Variants in KHDRBS2 observed in about 807,000 individuals in gnomAD.
KHDRBS2 encodes KH domain-containing, RNA-binding, signal transduction-associated protein 2.
In KHDRBS2, 26 loss-of-function variants were observed where a neutral mutation model predicts 44.3. The observed-to-expected ratio is 0.59, with a 90% confidence interval of 0.43 to 0.81. KHDRBS2 has a LOEUF of 0.81. Among genes scored for constraint, KHDRBS2 ranks in the 40% least tolerant of loss-of-function variants. KHDRBS2 has a pLI of 0.00. For synonymous variants in KHDRBS2, 194 were observed against 151.1 expected (o/e 1.28, Z -2.08); for missense variants, 476 against 433.1 (o/e 1.10, Z -0.88).
intron 1 of KHDRBS2, among the ~76,000 whole-genome samples, chr6:62,247,032 C>G (rs1383903337): frequency 6.6e-6 from 1 of 151,960 alleles, no homozygotes; most frequent in Non-Finnish European, 1.5e-5. Context: ...CATATTCACA[C>G]AAACTGTCTC....
chr6:61,956,942 C>CATCATCATCA, intron 4 of KHDRBS2, among the ~76,000 whole-genome samples: 1 of 151,890 alleles, frequency 6.6e-6, no homozygotes, highest in South Asian at 2.1e-4. Flanking sequence ...TCATCATCAT[C>CATCATCATCA]TGTTGTGGGA....
intron 1 of KHDRBS2, among the ~76,000 whole-genome samples, chr6:62,224,583 C>A (rs1216287853): frequency 2.6e-5 from 4 of 152,142 alleles, no homozygotes; most frequent in African/African-American, 9.7e-5. Flanking sequence ...CACCATCCTA[C>A]GGATTTCAAG....
At chr6:61,790,329 G>A (rs1784432738) in intron 6 of KHDRBS2, among the ~76,000 whole-genome samples, 1 of 150,758 alleles carries the variant, frequency 6.6e-6, no homozygotes, top group South Asian at 2.1e-4. Flanking sequence ...TTTGAAAGAT[G>A]CTTAAGTGAA....
the KHDRBS2 span, among the ~76,000 whole-genome samples, chr6:61,647,159 C>T: frequency 6.6e-6 from 1 of 152,074 alleles, no homozygotes; most frequent in Non-Finnish European, 1.5e-5. Context: ...TCTTTATCGT[C>T]TTTACAACCT....
chr6:62,181,977 T>A (rs552968289), intron 1 of KHDRBS2, among the ~76,000 whole-genome samples: 3 of 151,946 alleles, frequency 2.0e-5, no homozygotes, highest in African/African-American at 7.2e-5. Flanking sequence ...TTCAGAGCTA[T>A]GATAAATAAA....
chr6:62,072,871 C>T (rs749736601), intron 2 of KHDRBS2, among the ~76,000 whole-genome samples: 10 of 151,842 alleles, frequency 6.6e-5, no homozygotes, highest in African/African-American at 1.2e-4. Flanking sequence ...GAGTTAGGGA[C>T]GATTCCCTCT....
chr6:61,610,669 C>G, the KHDRBS2 span, among the ~76,000 whole-genome samples: 1 of 152,152 alleles, frequency 6.6e-6, no homozygotes, highest in Non-Finnish European at 1.5e-5. Flanking sequence ...CTAGAGCAAG[C>G]AATCCAAGAG....
the KHDRBS2 span, among the ~76,000 whole-genome samples, chr6:61,662,835 AGT>A: frequency 6.6e-6 from 1 of 151,738 alleles, no homozygotes; most frequent in Non-Finnish European, 1.5e-5. Context: ...TGTGGAAGTC[AGT>A]GTGGTGATTC....
intron 3 of KHDRBS2, among the ~76,000 whole-genome samples, chr6:62,029,421 TA>T (rs1276380768): frequency 6.6e-6 from 1 of 151,932 alleles, no homozygotes; most frequent in Admixed American, 6.6e-5. Flanking sequence ...AACTGTTTCA[TA>T]AAAAGTATCA....
chr6:61,908,127 A>G (rs1460646072), intron 4 of KHDRBS2, among the ~76,000 whole-genome samples: 1 of 152,134 alleles, frequency 6.6e-6, no homozygotes, highest in African/African-American at 2.4e-5. Flanking sequence ...CATAAATGGT[A>G]ATGAGATAAT....
At chr6:62,238,052 CA>C (rs398048582) in intron 1 of KHDRBS2, among the ~76,000 whole-genome samples, 47,232 of 116,702 alleles carry the variant, frequency 0.4, 7,681 homozygotes, top group Middle Eastern at 0.54. Context: ...GACTCTGTCT[CA>C]AAAAAAAAAA....
At chr6:62,183,913 C>T (rs1381297183) in intron 1 of KHDRBS2, among the ~76,000 whole-genome samples, 4 of 151,530 alleles carry the variant, frequency 2.6e-5, no homozygotes, top group Non-Finnish European at 4.4e-5. Context: ...ACTTAACTAC[C>T]TGGTAATTAA....
At chr6:61,707,686 C>T (rs1769816197) in intron 7 of KHDRBS2, among the ~76,000 whole-genome samples, 1 of 151,564 alleles carries the variant, frequency 6.6e-6, no homozygotes, top group Admixed American at 6.6e-5. Context: ...ACTATCAATA[C>T]TACAAGCTAG....
intron 2 of KHDRBS2, among the ~76,000 whole-genome samples, chr6:62,079,781 C>T (rs1398137388): frequency 2.6e-5 from 4 of 151,946 alleles, no homozygotes. Context: ...ACAGACATAT[C>T]CTAAGTTTCC....
intron 1 of KHDRBS2, among the ~76,000 whole-genome samples, chr6:62,239,157 T>C (rs73760331): frequency 0.012 from 1,758 of 152,354 alleles, 36 homozygotes; most frequent in African/African-American, 0.039. Context: ...AGTGATATTG[T>C]TGTATATGAG....
the KHDRBS2 span, among the ~76,000 whole-genome samples, chr6:61,672,716 G>GT: frequency 6.6e-6 from 1 of 151,636 alleles, no homozygotes; most frequent in Non-Finnish European, 1.5e-5. Context: ...TTGTAAATTT[G>GT]TTTGAGTTCA....
At chr6:61,834,118 CAGGAGTATT>C (rs1267282838) in intron 6 of KHDRBS2, among the ~76,000 whole-genome samples, 1 of 152,016 alleles carries the variant, frequency 6.6e-6, no homozygotes, top group African/African-American at 2.4e-5. Flanking sequence ...CCATTAATCT[CAGGAGTATT>C]TGTTTTACTC....
chr6:61,901,439 A>G, intron 4 of KHDRBS2, 68 bp from the exon 5 acceptor site: 2 of 1,272,726 alleles, frequency 1.6e-6, no homozygotes, highest in South Asian at 1.4e-5. Context: ...GAAAAAAAAA[A>G]AAAGAAACAA....
chr6:61,563,626 T>C, the KHDRBS2 span, among the ~76,000 whole-genome samples: 6 of 152,106 alleles, frequency 3.9e-5, no homozygotes, highest in African/African-American at 1.4e-4. Flanking sequence ...AATATGGATT[T>C]ATAGGAATCA....
Sources: gnomAD v4.1 joint callset for allele counts (sites outside exome capture counted in the v4.1 genomes callset) on GRCh38, gnomAD v4.1.1 for gene constraint, MANE v1.5 for transcripts, NCBI Gene and HGNC (gene_info 2026-07-23, HGNC 2026-07-21) for gene names.